CCSER1: variants seen among roughly 807,000 people sequenced by gnomAD.
CCSER1 encodes coiled-coil serine rich protein 1.
A neutral mutation model predicts 82.0 loss-of-function variants in CCSER1; 41 were observed. That is an observed-to-expected ratio of 0.50 (90% CI 0.39 to 0.65). CCSER1 has a LOEUF of 0.65. Among genes scored for constraint, CCSER1 ranks in the 30% least tolerant of loss-of-function variants. The pLI, the probability that CCSER1 is intolerant of heterozygous loss-of-function variation, is 0.00. For synonymous variants in CCSER1, 414 were observed against 383.9 expected (o/e 1.08, Z -0.92); for missense variants, 1,119 against 1,064.2 (o/e 1.05, Z -0.72).
chr4:90,667,981 C>T (rs1378317313), intron 6 of CCSER1, among the ~76,000 whole-genome samples: 1 of 152,086 alleles, frequency 6.6e-6, no homozygotes, highest in African/African-American at 2.4e-5. Context: ...GTATTAACCT[C>T]ATAGAGTTAG....
chr4:90,245,841 C>T lies in CCSER1; in HGVS notation c.-41-62403C>T, dbSNP rs185582800. On this transcript the variant is annotated intron_variant, in intron 1 of 10. Coordinates refer to ENST00000509176, the MANE Select transcript of CCSER1 (RefSeq NM_001145065.2). ...GGCTTTTCTATCTAATTTAGTTGTC[C>T]AAGAACACATTATAAAATATTTGCA... 6.6e-5 allele frequency among the ~76,000 whole-genome samples: 10 copies of T among 151,714 alleles called. No homozygotes were observed. In the East Asian group the frequency reaches 1.9e-3, roughly 29 times the overall value.
At chr4:90,416,361 AAG>A (rs1220074598) in intron 4 of CCSER1, among the ~76,000 whole-genome samples, 3 of 152,196 alleles carry the variant, frequency 2.0e-5, no homozygotes, top group African/African-American at 7.2e-5. Context: ...ATTCAAAATA[AAG>A]AAACTACAAA....
At chr4:90,340,307 G>A (rs565156873) in intron 3 of CCSER1, among the ~76,000 whole-genome samples, 52 of 152,044 alleles carry the variant, frequency 3.4e-4, no homozygotes, top group Non-Finnish European at 6.3e-4. Context: ...ATTCTAAAGC[G>A]TTGATTTACA....
intron 5 of CCSER1, among the ~76,000 whole-genome samples, chr4:90,578,407 A>G (rs1391398790): frequency 1.3e-5 from 2 of 152,114 alleles, no homozygotes; most frequent in African/African-American, 4.8e-5. Context: ...CCTTTCTGCC[A>G]TCTCGAAAGC....
At chr4:90,638,834 C>T (rs572267662) in intron 6 of CCSER1, among the ~76,000 whole-genome samples, 1 of 152,174 alleles carries the variant, frequency 6.6e-6, no homozygotes, top group South Asian at 2.1e-4. Context: ...CAAAATTCCA[C>T]TGGAGGAAGT....
intron 10 of CCSER1, among the ~76,000 whole-genome samples, chr4:91,521,044 C>A (rs1396041241): frequency 6.6e-6 from 1 of 152,146 alleles, no homozygotes; most frequent in Admixed American, 6.6e-5. Flanking sequence ...CAGACCCCCG[C>A]CCCTGACAGG....
intron 9 of CCSER1, among the ~76,000 whole-genome samples, chr4:91,060,629 ACTT>A (rs898720435): frequency 7.9e-5 from 12 of 151,924 alleles, no homozygotes; most frequent in Non-Finnish European, 7.4e-5. Flanking sequence ...TTTATATTGC[ACTT>A]CTTCTTCAGG....
chr4:91,062,066 A>G (rs926843344), intron 9 of CCSER1, among the ~76,000 whole-genome samples: 1 of 151,934 alleles, frequency 6.6e-6, no homozygotes, highest in Non-Finnish European at 1.5e-5. Flanking sequence ...TCAGTGTAGC[A>G]TACATAAATA....
chr4:90,224,930 T>C (rs1742851599), intron 1 of CCSER1, among the ~76,000 whole-genome samples: 1 of 152,182 alleles, frequency 6.6e-6, no homozygotes, highest in Admixed American at 6.5e-5. Flanking sequence ...CAGCTCTCAG[T>C]GGTTTAGTGT....
At position 91,581,666 on chromosome 4, in the gene CCSER1, A is replaced by G. The variant is rs1763733012; in HGVS notation, c.2218-16906A>G. On this transcript the variant is annotated intron_variant, in intron 10 of 10. Transcript: ENST00000509176. ...TATGTACACTGTCAGAGTCAGGAAA[A>G]TGTTTCATTCTTAAGCTCTTGAGTA... Among the ~76,000 whole-genome samples, 3 of 151,628 alleles carry G rather than the reference A, an allele frequency of 2.0e-5. No homozygotes were observed. In the South Asian group the frequency reaches 6.2e-4, roughly 31 times the overall value.
chr4:90,737,283 A>G (rs1745814027), intron 7 of CCSER1, among the ~76,000 whole-genome samples: 1 of 152,074 alleles, frequency 6.6e-6, no homozygotes, highest in Non-Finnish European at 1.5e-5. Context: ...TTTCTTTAGC[A>G]TTTCTTGTAG....
intron 10 of CCSER1, among the ~76,000 whole-genome samples, chr4:91,290,578 C>T (rs886866562): frequency 6.6e-6 from 1 of 151,894 alleles, no homozygotes; most frequent in Non-Finnish European, 1.5e-5. Context: ...CAATACTGAA[C>T]TATTAAAATA....
chr4:91,336,493 C>T (rs918483371), intron 10 of CCSER1, among the ~76,000 whole-genome samples: 3 of 152,056 alleles, frequency 2.0e-5, no homozygotes, highest in African/African-American at 7.2e-5. Context: ...AGGAATAATG[C>T]ATGCAAAACA....
At chr4:90,877,121 A>C (rs150647187) in intron 8 of CCSER1, among the ~76,000 whole-genome samples, 269 of 152,210 alleles carry the variant, frequency 1.8e-3, no homozygotes, top group Non-Finnish European at 2.8e-3. Context: ...CCAGGATCAA[A>C]GACTTATTTC....
chr4:90,371,943 G>A (rs1198842194), intron 3 of CCSER1, among the ~76,000 whole-genome samples: 1 of 152,124 alleles, frequency 6.6e-6, no homozygotes, highest in African/African-American at 2.4e-5. Flanking sequence ...CTATATATAT[G>A]TTAAAGAGAA....
intron 5 of CCSER1, 27 bp from the exon 6 acceptor site, chr4:90,627,998 T>G: frequency 6.4e-7 from 1 of 1,550,432 alleles, no homozygotes; most frequent in Non-Finnish European, 8.7e-7. Flanking sequence ...GCACTGTAAT[T>G]TTTGTTCTTT....
Position 91,185,838 on chromosome 4 carries a change from T to C in CCSER1, c.2217+99844T>C, listed in dbSNP as rs142399457. Among the ~76,000 whole-genome samples, 741 of 152,296 alleles carry C rather than the reference T, an allele frequency of 4.9e-3. 6 individuals are homozygous for C. The highest frequency in any genetic ancestry group is 0.017 in the African/African-American group (698 of 41,556). The stretch of plus-strand genomic sequence containing the variant: ...AAAACAAGCTCCAGGAAATGGAGTA[T>C]TTCCTTTATCCACTCTCAGTCTTGC... On this transcript the variant is annotated intron_variant, in intron 10 of 10. Transcript: ENST00000509176.
At chr4:91,359,667 A>G (rs1749114866) in intron 10 of CCSER1, among the ~76,000 whole-genome samples, 1 of 151,888 alleles carries the variant, frequency 6.6e-6, no homozygotes, top group Admixed American at 6.6e-5. Context: ...AGGAGAGAAA[A>G]GGATATTGAA....
intron 10 of CCSER1, among the ~76,000 whole-genome samples, chr4:91,260,274 C>A (rs1741004324): frequency 6.6e-6 from 1 of 152,168 alleles, no homozygotes. Flanking sequence ...GCATAACACA[C>A]TGTTCTTCCC....
Sources: gnomAD v4.1 joint callset for allele counts (sites outside exome capture counted in the v4.1 genomes callset) on GRCh38, gnomAD v4.1.1 for gene constraint, MANE v1.5 for transcripts, NCBI Gene and HGNC (gene_info 2026-07-23, HGNC 2026-07-21) for gene names.